Variants in EGFLAM observed in about 807,000 individuals in gnomAD.
EGFLAM encodes EGF like, fibronectin type III and laminin G domains.
In EGFLAM, 79 loss-of-function variants were observed where a neutral mutation model predicts 113.1. The ratio of observed to expected loss-of-function variants is 0.70; its 90% confidence interval spans 0.58 to 0.84. The LOEUF (loss-of-function observed/expected upper bound fraction) is 0.84, where lower values mean the gene tolerates loss of function less well. Among genes scored for constraint, EGFLAM ranks in the 40% least tolerant of loss-of-function variants. EGFLAM has a pLI of 0.00. For synonymous variants in EGFLAM, 504 were observed against 487.6 expected, an observed-to-expected ratio of 1.03 and a Z score of -0.44; for missense variants, 1,265 against 1,291.6, an observed-to-expected ratio of 0.98 and a Z score of 0.32.
chr5:38,337,557 A>T lies in EGFLAM; in HGVS notation c.135A>T (p.Ala45=). 8.1e-6 allele frequency: 13 copies of T among 1,606,544 alleles called. No individual in the cohort carries two copies. Among genetic ancestry groups the T allele is most frequent in the Non-Finnish European group, 1.0e-5 (12 of 1,175,826 alleles). ...CTCCTCTTGACATCAAGCTGGGCGCATTGAACTGTACGGCTTTCAGCATCC... is the reference window on the plus strand; with the variant it reads ...CTCCTCTTGACATCAAGCTGGGCGCTTTGAACTGTACGGCTTTCAGCATCC... ...VGPPLDIKLG[A]LNCTAFSIQW... The change falls in exon 2 of 22, where the codon GCA becomes GCT. Residue 45 remains alanine (A), a synonymous_variant. Transcript: ENST00000322350.
intron 1 of EGFLAM, among the ~76,000 whole-genome samples, chr5:38,313,267 T>C (rs1431548526): frequency 1.3e-5 from 2 of 152,224 alleles, no homozygotes; most frequent in Non-Finnish European, 1.5e-5. Context: ...TTTTATATTG[T>C]ACATGCATTC....
At chr5:38,462,738 C>G in intron 20 of EGFLAM, 170 bp from the exon 21 acceptor site, 2 of 678,404 alleles carry the variant, frequency 2.9e-6, no homozygotes, top group Non-Finnish European at 4.9e-6. Context: ...ACCACAGGCT[C>G]CTGAGGGCCA....
At chr5:38,422,144 T>C (rs1256542644) in intron 12 of EGFLAM, among the ~76,000 whole-genome samples, 1 of 152,172 alleles carries the variant, frequency 6.6e-6, no homozygotes. Context: ...CACCCCATGA[T>C]GTTCCACATT....
chr5:38,293,352 C>T (rs1444199484), intron 1 of EGFLAM, among the ~76,000 whole-genome samples: 1 of 152,142 alleles, frequency 6.6e-6, no homozygotes, highest in Admixed American at 6.5e-5. Context: ...ATAAGGATAA[C>T]AATACTTATT....
chr5:38,336,871 C>A (rs1238880144), intron 1 of EGFLAM, among the ~76,000 whole-genome samples: 2 of 152,026 alleles, frequency 1.3e-5, no homozygotes, highest in Non-Finnish European at 2.9e-5. Flanking sequence ...ATGTGACCAA[C>A]AAGAGATATA....
chr5:38,422,233 T>C (rs530334040), intron 12 of EGFLAM, among the ~76,000 whole-genome samples: 104 of 152,288 alleles, frequency 6.8e-4, no homozygotes, highest in Admixed American at 1.6e-3. Flanking sequence ...ACAACTGGCC[T>C]ATGGTAGGCG....
At chr5:38,266,749 T>G (rs971204936) in intron 1 of EGFLAM, among the ~76,000 whole-genome samples, 1 of 152,096 alleles carries the variant, frequency 6.6e-6, no homozygotes, top group African/African-American at 2.4e-5. Context: ...TTGGGGGAAG[T>G]TTTGCAGGAT....
At chr5:38,346,179 C>A (rs551029038) in intron 3 of EGFLAM, among the ~76,000 whole-genome samples, 2 of 152,208 alleles carry the variant, frequency 1.3e-5, no homozygotes, top group South Asian at 4.2e-4. Flanking sequence ...ATTTTTTGAT[C>A]TATATATGGA....
At chr5:38,342,214 T>C (rs1434268657) in intron 3 of EGFLAM, among the ~76,000 whole-genome samples, 5 of 152,188 alleles carry the variant, frequency 3.3e-5, no homozygotes, top group African/African-American at 4.8e-5. Flanking sequence ...TCATCTCACA[T>C]GGCAGAGTAG....
chr5:38,393,221 T>C (rs1471353854), intron 6 of EGFLAM, among the ~76,000 whole-genome samples: 1 of 152,236 alleles, frequency 6.6e-6, no homozygotes, highest in Admixed American at 6.5e-5. Flanking sequence ...TATAGAATCA[T>C]TGATTTAATC....
At position 38,393,588 on chromosome 5, in the gene EGFLAM, G is replaced by A. The variant is rs1248764451; in HGVS notation, c.713-12538G>A. Among the ~76,000 whole-genome samples, 5 of 152,242 alleles carry A rather than the reference G, an allele frequency of 3.3e-5. No homozygotes were observed. In the East Asian group the frequency reaches 9.6e-4, roughly 29 times the overall value. On this transcript the variant is annotated intron_variant, in intron 6 of 21. Coordinates refer to ENST00000322350, the MANE Select transcript of EGFLAM (RefSeq NM_152403.4). ...ATAATAAAACAGTAATGATGAGACA[G>A]ATTCGTTCCCTTGACCCCCTTCGTG...
At chr5:38,320,948 G>A (rs1002160930) in intron 1 of EGFLAM, among the ~76,000 whole-genome samples, 8 of 152,158 alleles carry the variant, frequency 5.3e-5, no homozygotes, top group South Asian at 2.1e-4. Flanking sequence ...AAAGTTCCCC[G>A]ACCTTTTTGA....
At chr5:38,421,558 G>A (rs1247825818) in intron 12 of EGFLAM, among the ~76,000 whole-genome samples, 3 of 152,172 alleles carry the variant, frequency 2.0e-5, no homozygotes, top group Non-Finnish European at 4.4e-5. Context: ...TCACAGTGCT[G>A]GGTGCTGGAG....
At chr5:38,444,755 G>A (rs1742654511) in intron 17 of EGFLAM, among the ~76,000 whole-genome samples, 1 of 152,118 alleles carries the variant, frequency 6.6e-6, no homozygotes, top group South Asian at 2.1e-4. Flanking sequence ...GACCAGCCTG[G>A]CCAACATGGC....
At chr5:38,436,973 C>T (rs1255152873) in intron 16 of EGFLAM, among the ~76,000 whole-genome samples, 1 of 152,206 alleles carries the variant, frequency 6.6e-6, no homozygotes, top group Non-Finnish European at 1.5e-5. Context: ...TTGCTAACCT[C>T]TTATAACCCC....
rs1049737469 is a variant in EGFLAM at position 38,296,162 on chromosome 5, A to G, written c.97+37311A>G. 2.6e-5 allele frequency among the ~76,000 whole-genome samples: 4 copies of G among 152,190 alleles called. 1 individual carries two copies. The highest frequency in any genetic ancestry group is 9.7e-5 in the African/African-American group (4 of 41,448). On this transcript the variant is annotated intron_variant, in intron 1 of 21. Coordinates refer to ENST00000322350, the MANE Select transcript of EGFLAM (RefSeq NM_152403.4). ...AAAAGGAAAATAGGGTCCATAGGGTATTGATGGGTTCAGGTTAGGAAGAAG... is the reference window on the plus strand; with the variant it reads ...AAAAGGAAAATAGGGTCCATAGGGTGTTGATGGGTTCAGGTTAGGAAGAAG...
At chr5:38,403,807 G>A in intron 6 of EGFLAM, 1 of 1,612,984 alleles carries the variant, frequency 6.2e-7, no homozygotes, top group South Asian at 1.1e-5. Flanking sequence ...CAAGAGGAAG[G>A]AGCTGTCCTC....
intron 1 of EGFLAM, among the ~76,000 whole-genome samples, chr5:38,260,653 TTAGAC>T (rs1429794670): frequency 2.0e-5 from 3 of 152,200 alleles, no homozygotes; most frequent in African/African-American, 7.2e-5. Context: ...ATAGAAGTGT[TTAGAC>T]TAGGTTCAAC....
intron 1 of EGFLAM, among the ~76,000 whole-genome samples, chr5:38,336,608 G>T (rs867535122): frequency 1.0e-5 from 1 of 99,578 alleles, no homozygotes; most frequent in Non-Finnish European, 2.0e-5. Context: ...CAGACACACA[G>T]ACACACACAA....
Sources: gnomAD v4.1 joint callset for allele counts (sites outside exome capture counted in the v4.1 genomes callset) on GRCh38, gnomAD v4.1.1 for gene constraint, MANE v1.5 for transcripts, NCBI Gene and HGNC (gene_info 2026-07-23, HGNC 2026-07-21) for gene names.